The following RNF8 variants were observed in gnomAD, a reference collection of about 807,000 sequenced individuals.
RNF8 encodes E3 ubiquitin-protein ligase RNF8.
In RNF8, 8 loss-of-function variants were observed where a neutral mutation model predicts 59.3. The observed-to-expected ratio is 0.13, with a 90% confidence interval of 0.08 to 0.24. The LOEUF (loss-of-function observed/expected upper bound fraction) is 0.24. Ranked by LOEUF, RNF8 falls within the 10% of genes least tolerant of loss-of-function variation. The pLI is 1.00. For missense variants in RNF8, 406 were observed against 572.6 expected (o/e 0.71, Z 2.97); for synonymous variants, 162 against 200.0 (o/e 0.81, Z 1.60).
intron 1 of RNF8, among the ~76,000 whole-genome samples, chr6:37,358,348 C>A (rs1231320643): frequency 1.3e-5 from 2 of 152,176 alleles, no homozygotes; most frequent in East Asian, 3.9e-4. Flanking sequence ...AGGAAAATGA[C>A]CTGATTTAAA....
At position 37,390,905 on chromosome 6, in the gene RNF8, T is replaced by G; in HGVS notation, c.*147T>G. 1 of 1,386,328 alleles carries G rather than the reference T, an allele frequency of 7.2e-7. No homozygotes were observed. Among genetic ancestry groups the G allele is most frequent in the Non-Finnish European group, 1.0e-6 (1 of 974,900 alleles). 85.9% of individuals were successfully genotyped at this position (1,386,328 alleles called of 1,614,324 possible). A position where few individuals can be genotyped will look rare whatever the true frequency, so the allele number is the denominator to read the frequency against. ...GAGACTTGAGTTAGGAAGCCCTCAG[T>G]CACTTGCCTTCCACGGTGGCCAGCC... On this transcript the variant is annotated 3_prime_UTR_variant, in exon 8 of 8. Coordinates refer to ENST00000373479, the MANE Select transcript of RNF8 (RefSeq NM_003958.4).
At chr6:37,381,467 A>C (rs1770258726) in intron 7 of RNF8, 113 bp downstream of exon 7, 1 of 899,658 alleles carries the variant, frequency 1.1e-6, no homozygotes, top group Admixed American at 2.3e-5. Context: ...GAACTAGGGA[A>C]GAGATGGAAT....
At chr6:37,384,394 C>T (rs574397356) in intron 7 of RNF8, among the ~76,000 whole-genome samples, 17 of 152,244 alleles carry the variant, frequency 1.1e-4, no homozygotes, top group East Asian at 9.6e-4. Flanking sequence ...TACCCCGCTC[C>T]GCCCCCCAAA....
At chr6:37,374,750 A>T (rs1001745563) in intron 5 of RNF8, 41 bp downstream of exon 5, 1 of 1,449,480 alleles carries the variant, frequency 6.9e-7, no homozygotes, top group East Asian at 2.3e-5. Flanking sequence ...TGGTTAGTGC[A>T]TGCAACTCAG....
At chr6:37,373,274 A>T (rs1377846709) in intron 4 of RNF8, among the ~76,000 whole-genome samples, 3 of 152,176 alleles carry the variant, frequency 2.0e-5, no homozygotes, top group Non-Finnish European at 4.4e-5. Context: ...GCAGTCTGCC[A>T]GTCTTTGCTT....
intron 2 of RNF8, among the ~76,000 whole-genome samples, chr6:37,364,177 T>TAAAAAA (rs1769452922): frequency 2.7e-5 from 1 of 37,408 alleles, no homozygotes; most frequent in African/African-American, 1.9e-4. Flanking sequence ...AGACTCTGTC[T>TAAAAAA]CAAAAAAAAA....
At chr6:37,375,732 G>T (rs1319874191) in intron 5 of RNF8, among the ~76,000 whole-genome samples, 3 of 152,204 alleles carry the variant, frequency 2.0e-5, no homozygotes, top group African/African-American at 7.2e-5. Flanking sequence ...TAAGCAGTCT[G>T]CCAGTCTTTG....
chr6:37,374,544 G>T (rs1254149124), intron 4 of RNF8, 76 bp from the exon 5 acceptor site: 3 of 1,076,850 alleles, frequency 2.8e-6, no homozygotes, highest in South Asian at 2.6e-5. Flanking sequence ...TAGAGGGAGA[G>T]AACAGGCATG....
chr6:37,390,776 C>T lies in RNF8; in HGVS notation c.*18C>T. 2.5e-6 allele frequency: 4 copies of T among 1,614,002 alleles called. No homozygotes were observed. Among genetic ancestry groups the T allele is most frequent in the South Asian group, 1.1e-5 (1 of 91,076 alleles). On this transcript the variant is annotated 3_prime_UTR_variant, in exon 8 of 8. Coordinates refer to ENST00000373479, the MANE Select transcript of RNF8 (RefSeq NM_003958.4). ...TGTTCTGAAGACCGTGCTCTAAGGGCATTTGAAAGACTGCCAGGTAGTGCG... is the reference window on the plus strand; with the variant it reads ...TGTTCTGAAGACCGTGCTCTAAGGGTATTTGAAAGACTGCCAGGTAGTGCG...
chr6:37,360,681 C>A lies in RNF8; in HGVS notation c.240+107C>A. On this transcript the variant is annotated intron_variant, in intron 2 of 7. Coordinates refer to ENST00000373479, the MANE Select transcript of RNF8 (RefSeq NM_003958.4). The surrounding 1 kb of genome is among the most constrained non-coding windows in gnomAD (Gnocchi z 4.2). ...ATAAAATTCAAAAGTATAACTTCTT[C>A]TTTCCTAGCCATCCAGTTCCCTTTT... 1 of 1,125,404 alleles carries A rather than the reference C, an allele frequency of 8.9e-7. No individual in the cohort carries two copies. Among genetic ancestry groups the A allele is most frequent in the Non-Finnish European group, 1.2e-6 (1 of 818,128 alleles). 69.7% of individuals were successfully genotyped at this position (1,125,404 alleles called of 1,614,324 possible).
intron 6 of RNF8, among the ~76,000 whole-genome samples, chr6:37,379,593 A>G (rs1770168619): frequency 6.6e-6 from 1 of 152,192 alleles, no homozygotes; most frequent in Admixed American, 6.5e-5. Flanking sequence ...TACTCAGAGG[A>G]GCCCCACAAA....
chr6:37,381,377 A>C, intron 7 of RNF8, 23 bp downstream of exon 7: 2 of 1,600,920 alleles, frequency 1.2e-6, no homozygotes, highest in Non-Finnish European at 1.7e-6. Context: ...GAGAATTCCT[A>C]CCCCTCAAGA....
intron 2 of RNF8, among the ~76,000 whole-genome samples, chr6:37,364,617 A>G (rs921200902): frequency 5.9e-5 from 9 of 152,250 alleles, no homozygotes; most frequent in Non-Finnish European, 1.0e-4. Flanking sequence ...AAGTGTGAAT[A>G]TAAAATGGTA....
rs1262037411 is a variant in RNF8 at position 37,368,757 on chromosome 6, T to C, written c.514T>C (p.Leu172=). Residue 172 remains leucine, a synonymous_variant, in exon 3 of 8, where the codon TTG becomes CTG. Coordinates refer to ENST00000373479, the MANE Select transcript of RNF8 (RefSeq NM_003958.4). The part of the protein sequence containing the change: ...AGPGAEGPSN[L]KSKINKVSCE... ...TCCTGGAGCTGAAGGCCCCTCAAAT[T>C]TGAAATCCAAAATAAATAAAGTGTC... The C allele has an allele frequency of 6.2e-7, 1 of 1,614,024 alleles. No individual in the cohort carries two copies.
chr6:37,380,796 C>A (rs1770229139), intron 6 of RNF8, among the ~76,000 whole-genome samples: 1 of 151,996 alleles, frequency 6.6e-6, no homozygotes, highest in Non-Finnish European at 1.5e-5. Context: ...AATTCTCGTG[C>A]CTCAGCCACC....
chr6:37,374,143 T>G (rs1307482955), intron 4 of RNF8, among the ~76,000 whole-genome samples: 1 of 152,256 alleles, frequency 6.6e-6, no homozygotes, highest in African/African-American at 2.4e-5. Flanking sequence ...TAAAAATGAC[T>G]ATCTAATTCT....
At position 37,354,239 on chromosome 6, in the gene RNF8, G is replaced by A. The variant is rs780831017; in HGVS notation, c.75G>A (p.Met25Ile). Residue 25 changes from methionine (M) to isoleucine (I), a missense_variant, in exon 1 of 8, where the codon ATG (methionine) becomes ATA (isoleucine). By Grantham distance (10) the Met-to-Ile change is conservative. Around this residue, in one of 3 missense-constraint regions of RNF8, gnomAD observed 62 missense variants for 112.2 expected, o/e 0.55. Transcript: ENST00000373479. ...GRSWCLRRVG[M>I]SAGWLLLEDG... ...GCTGGTGCCTGCGGCGGGTGGGGAT[G>A]AGCGCCGGGTGGCTGCTGCTGGAAG... The A allele has an allele frequency of 1.7e-5, 27 of 1,569,774 alleles. 1 individual carries two copies. The highest frequency in any genetic ancestry group is 4.0e-4 in the Middle Eastern group (2 of 5,002).
rs1314394855 is a variant in RNF8 at position 37,390,788 on chromosome 6, T to C, written c.*30T>C. The C allele has an allele frequency of 1.2e-6, 2 of 1,614,196 alleles. No homozygotes were observed. Among genetic ancestry groups the C allele is most frequent in the Non-Finnish European group, 1.7e-6 (2 of 1,180,012 alleles). On this transcript the variant is annotated 3_prime_UTR_variant, in exon 8 of 8. Transcript: ENST00000373479. ...CGTGCTCTAAGGGCATTTGAAAGAC[T>C]GCCAGGTAGTGCGAGCCTGAGATGG...
Position 37,366,401 on chromosome 6 carries a change from A to G in RNF8, c.241-2083A>G, listed in dbSNP as rs960473089. On this transcript the variant is annotated intron_variant, in intron 2 of 7. Coordinates refer to ENST00000373479, the MANE Select transcript of RNF8 (RefSeq NM_003958.4). ...TCTAGCTCCATCCCTCTCTGTTGTTATTTCTCATATGTTGTTTCAAAATTC... is the reference window on the plus strand; with the variant it reads ...TCTAGCTCCATCCCTCTCTGTTGTTGTTTCTCATATGTTGTTTCAAAATTC... Among the ~76,000 whole-genome samples, 4 of 152,128 alleles carry G rather than the reference A, an allele frequency of 2.6e-5. 1 individual carries two copies. The highest frequency in any genetic ancestry group is 2.6e-4 in the Admixed American group (4 of 15,284).
Sources: allele counts gnomAD v4.1 joint callset (sites outside exome capture counted in the v4.1 genomes callset), GRCh38; gene constraint gnomAD v4.1.1; regional missense constraint gnomAD v4.1.1; non-coding constraint Gnocchi (gnomAD v3.1); transcripts MANE v1.5; gene names NCBI Gene and HGNC (gene_info 2026-07-23, HGNC 2026-07-21).